The following FMO2 variants were observed in gnomAD, a reference collection of about 807,000 sequenced individuals.
FMO2 encodes flavin-containing monooxygenase 2.
In FMO2, 33 loss-of-function variants were observed where a neutral mutation model predicts 41.6. That is an observed-to-expected ratio of 0.79 (90% confidence interval 0.60 to 1.06). The LOEUF is 1.06. Among genes scored for constraint, FMO2 ranks in the 50% least tolerant of loss-of-function variants. The probability of loss-of-function intolerance (pLI) is 0.00; values close to 1 mark genes in which losing one functional copy is unlikely to be tolerated. For synonymous variants in FMO2, 214 were observed against 219.6 expected, an observed-to-expected ratio of 0.97 and a Z score of 0.23; for missense variants, 619 against 632.9, an observed-to-expected ratio of 0.98 and a Z score of 0.23.
intron 6 of FMO2, 53 bp from the exon 7 acceptor site, chr1:171,205,226 C>G (rs149909796): frequency 8.5e-6 from 10 of 1,179,110 alleles, no homozygotes; most frequent in Non-Finnish European, 1.2e-5. Context: ...CAAGAGGGTT[C>G]AAGATTCCTC....
At chr1:171,201,376 TATTA>T (rs1658527355) in intron 5 of FMO2, among the ~76,000 whole-genome samples, 1 of 152,178 alleles carries the variant, frequency 6.6e-6, no homozygotes, top group Non-Finnish European at 1.5e-5. Flanking sequence ...CTTCAATATT[TATTA>T]GAGTAACAAC....
chr1:171,197,634 A>G (rs1298007971), intron 4 of FMO2, among the ~76,000 whole-genome samples: 3 of 152,192 alleles, frequency 2.0e-5, no homozygotes, highest in Admixed American at 6.5e-5. Flanking sequence ...TTAATCCCCA[A>G]TGGGGCAGTA....
rs1169791395 is a variant in FMO2, at chr1:171,201,300, T to G, written c.627+1812T>G. Among the ~76,000 whole-genome samples, 4 of 152,170 alleles carry G rather than the reference T, an allele frequency of 2.6e-5. No individual in the cohort carries two copies. The East Asian group carries it at 7.7e-4, about 29-fold the overall frequency. On this transcript the variant is annotated intron_variant, in intron 5 of 8. Transcript: ENST00000209929. ...TGTGATACATCACCTACATAATAGA[T>G]TCCTCCTAAATATAATGTTATAATC... is the stretch of plus-strand genomic sequence containing the variant.
chr1:171,208,357 T>C (rs1658847839), intron 8 of FMO2, among the ~76,000 whole-genome samples: 1 of 152,216 alleles, frequency 6.6e-6, no homozygotes, highest in Non-Finnish European at 1.5e-5. Context: ...TTACCTAAGA[T>C]TGATTGAGTA....
chr1:171,198,955 T>A (rs1658413433), intron 4 of FMO2, among the ~76,000 whole-genome samples: 1 of 152,110 alleles, frequency 6.6e-6, no homozygotes, highest in Non-Finnish European at 1.5e-5. Flanking sequence ...CAGACTGGAG[T>A]GCAGTGACTC....
Position 171,196,000 on chromosome 1 carries a change from A to G in FMO2, c.322-649A>G, listed in dbSNP as rs566582931. Among the ~76,000 whole-genome samples the G allele has an allele frequency of 1.5e-4, 23 of 152,330 alleles. No individual in the cohort carries two copies. In the South Asian group the frequency reaches 4.6e-3, roughly 30 times the overall value. The stretch of plus-strand genomic sequence containing the variant: ...GTCCACAAAGAGGCGGCTACATAAA[A>G]CGTTCCTGACATATGCCAATTGCAT... On this transcript the variant is annotated intron_variant, in intron 3 of 8. Coordinates refer to ENST00000209929, the MANE Select transcript of FMO2 (RefSeq NM_001460.5).
At chr1:171,187,215 C>G (rs1262256869) in intron 2 of FMO2, among the ~76,000 whole-genome samples, 1 of 152,126 alleles carries the variant, frequency 6.6e-6, no homozygotes, top group Non-Finnish European at 1.5e-5. Context: ...AGTTCAGAAC[C>G]CAAAAGCAAT....
chr1:171,205,148 C>A, intron 6 of FMO2, 131 bp from the exon 7 acceptor site: 5 of 568,180 alleles, frequency 8.8e-6, no homozygotes, highest in South Asian at 2.7e-5. Context: ...CACAGACAAC[C>A]AGTTAAGTTA....
chr1:171,195,778 C>A (rs1357386993), intron 3 of FMO2, among the ~76,000 whole-genome samples: 3 of 146,488 alleles, frequency 2.0e-5, no homozygotes, highest in East Asian at 4.1e-4. Flanking sequence ...AATTAACAGA[C>A]CTCCAGTGAG....
chr1:171,202,997 G>A (rs1658595463), intron 5 of FMO2, among the ~76,000 whole-genome samples: 1 of 152,128 alleles, frequency 6.6e-6, no homozygotes, highest in Non-Finnish European at 1.5e-5. Flanking sequence ...AGAGGATTCA[G>A]ATGTGCACTT....
In FMO2 at chr1:171,203,921, C is replaced by T; in HGVS notation, c.684C>T (p.Gly228=). 2.5e-6 allele frequency: 4 copies of T among 1,613,694 alleles called. No individual in the cohort carries two copies. Among genetic ancestry groups the T allele is most frequent in the Non-Finnish European group, 3.4e-6 (4 of 1,179,748 alleles). ...TCATGAGCCGTATCTCTGAAGATGG[C>T]TATCCTTGGGACTCAGTGTTCCACA... ...TWVMSRISED[G]YPWDSVFHTR... The change falls in exon 6 of 9, where the codon GGC becomes GGT. Residue 228 remains glycine (G), a synonymous_variant. Transcript: ENST00000209929.
chr1:171,198,306 C>T (rs187016212), intron 4 of FMO2, among the ~76,000 whole-genome samples: 9 of 151,694 alleles, frequency 5.9e-5, no homozygotes, highest in African/African-American at 1.5e-4. Flanking sequence ...TTTTTGTTTA[C>T]TTTTTGAAAA....
intron 7 of FMO2, among the ~76,000 whole-genome samples, chr1:171,207,151 A>G (rs1289543003): frequency 6.6e-6 from 1 of 152,152 alleles, no homozygotes; most frequent in Non-Finnish European, 1.5e-5. Context: ...ACACATCCAA[A>G]GCTCAGGGGA....
At chr1:171,199,736 G>A (rs994199614) in intron 5 of FMO2, among the ~76,000 whole-genome samples, 6 of 152,030 alleles carry the variant, frequency 3.9e-5, no homozygotes, top group Admixed American at 2.0e-4. Flanking sequence ...TTTAAAATGG[G>A]AACTTTTGAC....
At chr1:171,189,417 A>G (rs1657983379) in intron 2 of FMO2, among the ~76,000 whole-genome samples, 1 of 152,266 alleles carries the variant, frequency 6.6e-6, no homozygotes, top group Non-Finnish European at 1.5e-5. Flanking sequence ...CATATTGCCA[A>G]TGAGTGTATA....
chr1:171,197,852 G>C (rs1658365243), intron 4 of FMO2, among the ~76,000 whole-genome samples: 1 of 152,170 alleles, frequency 6.6e-6, no homozygotes, highest in Non-Finnish European at 1.5e-5. Context: ...GCTGCCTTGG[G>C]ACTCTTCAGA....
chr1:171,199,184 C>T (rs1223193422), intron 4 of FMO2, 162 bp from the exon 5 acceptor site: 1 of 586,624 alleles, frequency 1.7e-6, no homozygotes, highest in Non-Finnish European at 2.8e-6. Flanking sequence ...CAGGCCCCAC[C>T]TGGTCTGGTA....
Position 171,193,500 on chromosome 1 carries a change from C to T in FMO2, c.298C>T (p.Leu100=), listed in dbSNP as rs1397066259. ...YFRIFAKKFD[L]LKYIQFQTTV... ...CAGGATTTTTGCTAAAAAATTTGAT[C>T]TGCTAAAATATATTCAGTTCCAGGT... The change falls in exon 3 of 9, where the codon CTG becomes TTG. Residue 100 remains leucine (L), a synonymous_variant. Coordinates refer to ENST00000209929, the MANE Select transcript of FMO2 (RefSeq NM_001460.5). The T allele has an allele frequency of 6.2e-7, 1 of 1,606,628 alleles. No individual in the cohort carries two copies. The highest frequency in any genetic ancestry group is 8.5e-7 in the Non-Finnish European group (1 of 1,173,916).
At chr1:171,197,302 A>G (rs1294753065) in intron 4 of FMO2, among the ~76,000 whole-genome samples, 2 of 152,166 alleles carry the variant, frequency 1.3e-5, no homozygotes, top group Admixed American at 6.5e-5. Context: ...TTCTTTCCCA[A>G]GGCCCTTAGG....
Sources: gnomAD v4.1 joint callset for allele counts (sites outside exome capture counted in the v4.1 genomes callset) on GRCh38, gnomAD v4.1.1 for gene constraint, MANE v1.5 for transcripts, NCBI Gene and HGNC (gene_info 2026-07-23, HGNC 2026-07-21) for gene names.